The following OOEP variants were observed in gnomAD, a reference collection of about 807,000 sequenced individuals.
The protein encoded by OOEP is oocyte expressed protein.
OOEP carries 16 observed loss-of-function variants against 13.7 expected under a neutral mutation model. That is an observed-to-expected ratio of 1.16 (90% CI 0.79 to 1.77). The LOEUF (loss-of-function observed/expected upper bound fraction) is 1.77. Among genes scored for constraint, OOEP ranks in the 40% most tolerant of loss-of-function variants. The probability of loss-of-function intolerance (pLI) is 0.00; values close to 1 mark genes in which losing one functional copy is unlikely to be tolerated. For synonymous variants in OOEP, 89 were observed against 77.1 expected (o/e 1.15, Z -0.81); for missense variants, 195 against 193.1 (o/e 1.01, Z -0.06).
chr6:73,394,559 G>A (rs1480745646), intron 1 of OOEP: 7 of 560,126 alleles, frequency 1.2e-5, no homozygotes, highest in African/African-American at 1.9e-5. Context: ...TGTCCAGTAG[G>A]GGAGGGAGCA....
upstream of OOEP, among the ~76,000 whole-genome samples, chr6:73,374,171 G>A (rs2150779715): frequency 6.6e-6 from 1 of 152,204 alleles, no homozygotes; most frequent in South Asian, 2.1e-4. Context: ...CTGGGTGACA[G>A]AGACCCCATC....
rs766461247 is a variant in OOEP, at chr6:73,369,694, C to T, written c.99G>A (p.Gln33=). ...QLRRLPLPPP[Q]IRIRPWWFPV... is the part of the protein sequence containing the mutation. The stretch of plus-strand genomic sequence containing the variant: ...GAAACCACCAGGGCCGGATGCGAAT[C>T]TGTGGCGGCGGAAGTGGTAACCTAC... The change falls in exon 1 of 3, where the codon CAG becomes CAA. Residue 33 remains glutamine, a synonymous_variant. Coordinates refer to ENST00000370359, the MANE Select transcript of OOEP (RefSeq NM_001080507.3). 2 of 1,614,048 alleles carry T rather than the reference C, an allele frequency of 1.2e-6. No individual in the cohort carries two copies. The highest frequency in any genetic ancestry group is 4.5e-5 in the East Asian group (2 of 44,884).
chr6:73,369,704 G>C lies in OOEP; in HGVS notation c.89C>G (p.Pro30Arg). 2.5e-6 allele frequency: 4 copies of C among 1,614,016 alleles called. No homozygotes were observed. In the South Asian group the frequency reaches 4.4e-5, roughly 18 times the overall value. The change falls in exon 1 of 3, where the codon CCG becomes CGG. Residue 30 changes from proline (P) to arginine (R), a missense_variant. Transcript: ENST00000370359. ...SLEQLRRLPL[P>R]PPQIRIRPWW... Reference sequence around the variant, plus strand: ...GGGCCGGATGCGAATCTGTGGCGGCGGAAGTGGTAACCTACGCAGCTGCTC... The same window carrying C: ...GGGCCGGATGCGAATCTGTGGCGGCCGAAGTGGTAACCTACGCAGCTGCTC...
intron 2 of OOEP, among the ~76,000 whole-genome samples, chr6:73,392,769 C>T (rs1397507303): frequency 6.6e-6 from 1 of 151,126 alleles, no homozygotes; most frequent in Non-Finnish European, 1.5e-5. Context: ...GTAGCTGGGA[C>T]TACAGGCGCA....
chr6:73,394,398 C>T, exon 2 of OOEP: 2 of 714,470 alleles, frequency 2.8e-6, no homozygotes, highest in South Asian at 3.0e-5. Context: ...ACTGTAATCC[C>T]AGCACTTTGG....
At chr6:73,387,004 GAAC>G (rs1769282805) in intron 2 of OOEP, among the ~76,000 whole-genome samples, 1 of 49,414 alleles carries the variant, frequency 2.0e-5, no homozygotes, top group Non-Finnish European at 4.5e-5. Flanking sequence ...AAAAAAAAAA[GAAC>G]AGCAGAGCTC....
chr6:73,378,082 C>A (rs1582626525), intron 2 of OOEP, among the ~76,000 whole-genome samples: 2 of 150,302 alleles, frequency 1.3e-5, no homozygotes, highest in South Asian at 4.3e-4. Flanking sequence ...ATTATTGTTA[C>A]AAATTCTTCT....
rs1769414038 is a variant in OOEP at position 73,394,489 on chromosome 6, C to A, written c.-118-1G>T. 1 of 635,258 alleles carries A rather than the reference C, an allele frequency of 1.6e-6. No individual in the cohort carries two copies. Among genetic ancestry groups the A allele is most frequent in the Admixed American group, 2.9e-5 (1 of 34,548 alleles). The allele number at this position is 635,258 out of a possible 1,614,324, so 39.4% of individuals were successfully genotyped here. On this transcript the variant is annotated splice_acceptor_variant, in intron 1 of 3. Coordinates refer to the OOEP transcript ENST00000370363. LOFTEE classifies it low-confidence loss of function (5UTR_SPLICE). ...TGGGCAACACGGCGACACCCCGTCT[C>A]TATTTAAAAAGAAAAAAAAAAGTTT...
In OOEP at chr6:73,394,311, T is replaced by C. The variant is rs755781577; in HGVS notation, c.25+35A>G. 2.8e-5 allele frequency: 20 copies of C among 714,648 alleles called. No individual in the cohort carries two copies. The East Asian group carries it at 4.8e-4, about 17-fold the overall frequency. The allele number at this position is 714,648 out of a possible 1,614,324, so 44.3% of individuals were successfully genotyped here. A position where few individuals can be genotyped will look rare whatever the true frequency, so the allele number is the denominator to read the frequency against. On this transcript the variant is annotated intron_variant, in intron 2 of 3. Coordinates refer to the OOEP transcript ENST00000370363. The stretch of plus-strand genomic sequence containing the variant: ...TCAATCTGTTGTTTCAAGTTTTTTA[T>C]GTGTGGATTGGGTCACCTTGTAACA...
At chr6:73,382,144 C>T (rs558838992) in intron 2 of OOEP, among the ~76,000 whole-genome samples, 1 of 151,906 alleles carries the variant, frequency 6.6e-6, no homozygotes, top group South Asian at 2.1e-4. Context: ...ACCTCCCAGG[C>T]TCAAGTGATC....
chr6:73,369,085 C>G, intron 2 of OOEP, 121 bp downstream of exon 2: 2 of 1,051,404 alleles, frequency 1.9e-6, no homozygotes, highest in Non-Finnish European at 2.8e-6. Flanking sequence ...GTACAGCTAG[C>G]TCCCTGGGGT....
At chr6:73,392,338 T>C (rs1409785848) in intron 2 of OOEP, among the ~76,000 whole-genome samples, 1 of 152,180 alleles carries the variant, frequency 6.6e-6, no homozygotes, top group Non-Finnish European at 1.5e-5. Context: ...AATTTCACTC[T>C]TGTTGCCCAG....
Position 73,395,023 on chromosome 6 carries a change from C to T in OOEP, c.-423G>A, listed in dbSNP as rs985949048. ...GGCGGAGGAGTTGAATCGAACAGGT[C>T]CTGAGGGATATAGTGTCGGCAGAGG... is the stretch of plus-strand genomic sequence containing the variant. On this transcript the variant is annotated 5_prime_UTR_variant, in exon 1 of 4. Transcript: ENST00000370363. The T allele has an allele frequency of 1.2e-5, 19 of 1,614,110 alleles. No homozygotes were observed. Among genetic ancestry groups the T allele is most frequent in the Non-Finnish European group, 1.5e-5 (18 of 1,180,046 alleles).
intron 2 of OOEP, among the ~76,000 whole-genome samples, chr6:73,388,814 C>CT (rs1476237866): frequency 2.6e-5 from 4 of 152,210 alleles, no homozygotes; most frequent in African/African-American, 9.6e-5. Context: ...TAAGTGAAAA[C>CT]TTAAGGAGCG....
chr6:73,394,741 A>T, exon 1 of OOEP: 1 of 968,722 alleles, frequency 1.0e-6, no homozygotes, highest in Non-Finnish European at 1.5e-6. Flanking sequence ...GCGTGAAATC[A>T]GTGCGAAGTG....
At chr6:73,392,311 T>C (rs1356737246) in intron 2 of OOEP, among the ~76,000 whole-genome samples, 2 of 152,210 alleles carry the variant, frequency 1.3e-5, no homozygotes, top group African/African-American at 4.8e-5. Flanking sequence ...TGTTTTTTTA[T>C]CTTTTTTTTG....
intron 2 of OOEP, 133 bp downstream of exon 2, chr6:73,369,073 T>G (rs1263883334): frequency 1.0e-6 from 1 of 976,120 alleles, no homozygotes; most frequent in East Asian, 2.6e-5. Flanking sequence ...CCAACAAACT[T>G]CGTACAGCTA....
chr6:73,394,615 G>GT (rs1389373340), intron 1 of OOEP: 8 of 321,824 alleles, frequency 2.5e-5, no homozygotes, highest in African/African-American at 1.7e-4. Flanking sequence ...GGAATACACA[G>GT]TGGGGGGGTG....
chr6:73,394,400 G>T (rs1052339559), exon 2 of OOEP: 4 of 714,468 alleles, frequency 5.6e-6, no homozygotes, highest in African/African-American at 1.8e-5. Flanking sequence ...TGTAATCCCA[G>T]CACTTTGGGA....
Sources: gnomAD v4.1 joint callset for allele counts (sites outside exome capture counted in the v4.1 genomes callset) on GRCh38, gnomAD v4.1.1 for gene constraint, MANE v1.5 for transcripts, NCBI Gene and HGNC (gene_info 2026-07-23, HGNC 2026-07-21) for gene names.